The following EPB41L2 variants were observed in gnomAD, a reference collection of about 807,000 sequenced individuals.
The protein encoded by EPB41L2 is erythrocyte membrane protein band 4.1 like 2, also known as band 4.1-like protein 2.
Under a neutral mutation model 113.0 loss-of-function variants are expected in EPB41L2, and 43 were observed. That is an observed-to-expected ratio of 0.38 (90% CI 0.30 to 0.49). EPB41L2 has a LOEUF of 0.49. EPB41L2 is among the 20% of genes least tolerant of loss of function. EPB41L2 has a pLI of 0.95. For synonymous variants in EPB41L2, 442 were observed against 436.7 expected (o/e 1.01, Z -0.15); for missense variants, 1,147 against 1,223.4 (o/e 0.94, Z 0.93).
intron 3 of EPB41L2, among the ~76,000 whole-genome samples, chr6:130,928,320 T>C (rs1805482673): frequency 6.6e-6 from 1 of 152,154 alleles, no homozygotes; most frequent in African/African-American, 2.4e-5. Context: ...TTCCACTACT[T>C]ACAAGCTATG....
intron 1 of EPB41L2, among the ~76,000 whole-genome samples, chr6:131,055,472 G>C (rs958180409): frequency 2.6e-5 from 4 of 152,156 alleles, no homozygotes; most frequent in Admixed American, 2.6e-4. Flanking sequence ...GTAGTACTCA[G>C]GTCTGCTTCA....
At position 130,899,679 on chromosome 6, in the gene EPB41L2, A is replaced by C. The variant is rs182204678; in HGVS notation, c.1149-101T>G. 1,348 of 1,078,034 alleles carry C rather than the reference A, an allele frequency of 1.3e-3. 6 individuals are homozygous for C. In the African/African-American group the frequency reaches 0.014, roughly 11 times the overall value. The allele number at this position is 1,078,034 out of a possible 1,614,324, so 66.8% of individuals were successfully genotyped here. A position where few individuals can be genotyped will look rare whatever the true frequency, so the allele number is the denominator to read the frequency against. ...TGCTCAGAGGGTTTGGAGGAGAGAA[A>C]GTTACCCAGCCAAGTTTGCAGAAAA... On this transcript the variant is annotated intron_variant, in intron 7 of 19. Transcript: ENST00000337057.
At position 131,040,412 on chromosome 6, in the gene EPB41L2, C is replaced by G. The variant is rs939613162; in HGVS notation, c.-15+22743G>C. Among the ~76,000 whole-genome samples the G allele has an allele frequency of 4.6e-5, 7 of 152,138 alleles. No homozygotes were observed. In the South Asian group the frequency reaches 1.0e-3, roughly 22 times the overall value. On this transcript the variant is annotated intron_variant, in intron 1 of 19. Coordinates refer to ENST00000337057, the MANE Select transcript of EPB41L2 (RefSeq NM_001431.4). Reference sequence around the variant, plus strand: ...CGGGATTGCGCCACTGCACTCCAGCCTGGGCAACAGAACGAGACTCTGTCT... The same window carrying G: ...CGGGATTGCGCCACTGCACTCCAGCGTGGGCAACAGAACGAGACTCTGTCT...
intron 1 of EPB41L2, among the ~76,000 whole-genome samples, chr6:130,985,257 C>G (rs1446601634): frequency 2.6e-5 from 4 of 152,160 alleles, no homozygotes; most frequent in Non-Finnish European, 2.9e-5. Flanking sequence ...GCTCCTCCCC[C>G]ACTCTGAGCC....
At chr6:130,889,445 T>C (rs1430587007) in intron 11 of EPB41L2, among the ~76,000 whole-genome samples, 2 of 152,096 alleles carry the variant, frequency 1.3e-5, no homozygotes, top group Non-Finnish European at 2.9e-5. Flanking sequence ...TAATTAGAAT[T>C]CTAATAGAAA....
At chr6:131,038,717 C>T (rs1296073507) in intron 1 of EPB41L2, among the ~76,000 whole-genome samples, 1 of 151,900 alleles carries the variant, frequency 6.6e-6, no homozygotes, top group African/African-American at 2.4e-5. Context: ...TTTCAAGGCA[C>T]AGCATTTTGT....
intron 1 of EPB41L2, among the ~76,000 whole-genome samples, chr6:131,027,583 G>C (rs1791170696): frequency 2.6e-5 from 4 of 152,210 alleles, no homozygotes; most frequent in Admixed American, 2.6e-4. Flanking sequence ...GCTTAATGCA[G>C]CCAATGATTA....
chr6:130,881,756 G>A (rs1398032725), intron 12 of EPB41L2: 1 of 151,922 alleles, frequency 6.6e-6, no homozygotes, highest in African/African-American at 2.4e-5. Flanking sequence ...CCCAATCTTA[G>A]TGTTATATAG....
intron 4 of EPB41L2, among the ~76,000 whole-genome samples, chr6:130,920,637 T>C (rs1432436065): frequency 2.0e-5 from 3 of 152,042 alleles, no homozygotes; most frequent in Admixed American, 6.6e-5. Flanking sequence ...CTCCTCCGAA[T>C]AGCTGGAACT....
At chr6:131,045,316 T>G (rs1377071646) in intron 1 of EPB41L2, among the ~76,000 whole-genome samples, 1 of 152,070 alleles carries the variant, frequency 6.6e-6, no homozygotes, top group Non-Finnish European at 1.5e-5. Context: ...CACAAAATAT[T>G]TCATATTTAA....
chr6:131,036,771 C>T (rs940394780), intron 1 of EPB41L2, among the ~76,000 whole-genome samples: 3 of 152,030 alleles, frequency 2.0e-5, no homozygotes, highest in Admixed American at 1.3e-4. Context: ...GGGTTGAATA[C>T]CATTGCCTAA....
At chr6:130,858,789 A>G (rs1781084477) in intron 18 of EPB41L2, among the ~76,000 whole-genome samples, 1 of 152,258 alleles carries the variant, frequency 6.6e-6, no homozygotes, top group Non-Finnish European at 1.5e-5. Flanking sequence ...GAACTAAAAG[A>G]CTGCAGGAAA....
In EPB41L2 at chr6:130,942,604, TA is replaced by T. The variant is rs1223122643; in HGVS notation, c.705+12500del. On this transcript the variant is annotated intron_variant, in intron 3 of 19. Transcript: ENST00000337057. ...TTTTTTAAATTTTACTGCCTACATA[TA>T]TTTTTTTAAATTATACTTTTAAGTT... Among the ~76,000 whole-genome samples the T allele has an allele frequency of 1.4e-4, 21 of 152,344 alleles. 1 individual carries two copies. In the South Asian group the frequency reaches 2.5e-3, roughly 18 times the overall value.
chr6:130,916,279 A>C lies in EPB41L2; in HGVS notation c.811-7416T>G, dbSNP rs1801056303. 2.0e-5 allele frequency among the ~76,000 whole-genome samples: 3 copies of C among 152,314 alleles called. No homozygotes were observed. In the South Asian group the frequency reaches 6.2e-4, roughly 32 times the overall value. On this transcript the variant is annotated intron_variant, in intron 4 of 19. Coordinates refer to ENST00000337057, the MANE Select transcript of EPB41L2 (RefSeq NM_001431.4). ...AATCTTTCTATTAGTTAATTAGAGA[A>C]TCTCCTTAATCTTACTCTTTATTTG... is the stretch of plus-strand genomic sequence containing the variant.
In EPB41L2 at chr6:130,892,403, CTTTT is replaced by C. The variant is rs60350565; in HGVS notation, c.1487+1937_1488-1938del. On this transcript the variant is annotated intron_variant, in intron 10 of 19. Coordinates refer to ENST00000337057, the MANE Select transcript of EPB41L2 (RefSeq NM_001431.4). ...CTTGCCATTTCTGAACAGATTATTGCTTTTTTTTTTTTTTTTTTTATCATTATGT... is the reference window on the plus strand; with the variant it reads ...CTTGCCATTTCTGAACAGATTATTGCTTTTTTTTTTTTTTTATCATTATGT... 4.3e-5 allele frequency among the ~76,000 whole-genome samples: 4 copies of C among 92,640 alleles called. 1 individual carries two copies. The highest frequency in any genetic ancestry group is 8.1e-4 in the South Asian group (2 of 2,460). 60.8% of individuals were successfully genotyped at this position (92,640 alleles called of 152,430 possible). A position where few individuals can be genotyped will look rare whatever the true frequency, so the allele number is the denominator to read the frequency against.
At chr6:130,852,779 C>T (rs1312535156) in intron 19 of EPB41L2, among the ~76,000 whole-genome samples, 2 of 152,188 alleles carry the variant, frequency 1.3e-5, no homozygotes, top group South Asian at 2.1e-4. Context: ...GCCTCTGCCT[C>T]CTTCCTCCTG....
chr6:130,904,427 TA>T, intron 6 of EPB41L2, 37 bp downstream of exon 6: 1 of 1,406,632 alleles, frequency 7.1e-7, no homozygotes, highest in South Asian at 1.2e-5. Flanking sequence ...ACGAGAGCTG[TA>T]AGGAAAGGTT....
chr6:130,930,963 G>T (rs1439448599), intron 3 of EPB41L2, among the ~76,000 whole-genome samples: 1 of 152,000 alleles, frequency 6.6e-6, no homozygotes, highest in Non-Finnish European at 1.5e-5. Context: ...AAATGGACAG[G>T]ATATGACAAA....
intron 1 of EPB41L2, among the ~76,000 whole-genome samples, chr6:131,011,828 G>T (rs1787056706): frequency 6.6e-6 from 1 of 152,198 alleles, no homozygotes; most frequent in Non-Finnish European, 1.5e-5. Flanking sequence ...AAGTGAAAGA[G>T]AATCCAGTGT....
Sources: allele counts gnomAD v4.1 joint callset (sites outside exome capture counted in the v4.1 genomes callset), GRCh38; gene constraint gnomAD v4.1.1; transcripts MANE v1.5; gene names NCBI Gene and HGNC (gene_info 2026-07-23, HGNC 2026-07-21).